The following LRRTM4 variants were observed in gnomAD, a reference collection of about 807,000 sequenced individuals.
LRRTM4 encodes leucine rich repeat transmembrane neuronal 4, also known as leucine-rich repeat transmembrane neuronal protein 4.
Under a neutral mutation model 47.6 loss-of-function variants are expected in LRRTM4, and 25 were observed. The ratio of observed to expected loss-of-function variants is 0.53; its 90% CI spans 0.38 to 0.73. LRRTM4 has a LOEUF of 0.73. Among genes scored for constraint, LRRTM4 ranks in the 30% least tolerant of loss-of-function variants. LRRTM4 has a pLI of 0.00. For missense variants in LRRTM4, 638 were observed against 713.4 expected (o/e 0.89, Z 1.20); for synonymous variants, 311 against 269.5 (o/e 1.15, Z -1.51).
At chr2:77,333,343 A>C (rs1671040114) in intron 3 of LRRTM4, among the ~76,000 whole-genome samples, 1 of 152,172 alleles carries the variant, frequency 6.6e-6, no homozygotes, top group African/African-American at 2.4e-5. Flanking sequence ...AGTCAGAAAA[A>C]TGTGTGAAAG....
At chr2:77,137,004 T>C (rs1048511466) in intron 3 of LRRTM4, among the ~76,000 whole-genome samples, 6 of 151,908 alleles carry the variant, frequency 3.9e-5, no homozygotes, top group African/African-American at 9.7e-5. Flanking sequence ...GTCTGATTGG[T>C]GTACCTGAAA....
chr2:77,178,759 C>A (rs1259504479), intron 3 of LRRTM4, among the ~76,000 whole-genome samples: 1 of 151,986 alleles, frequency 6.6e-6, no homozygotes, highest in Non-Finnish European at 1.5e-5. Context: ...TTGGCATTGA[C>A]TTTTTTTACC....
intron 3 of LRRTM4, among the ~76,000 whole-genome samples, chr2:77,047,876 T>C (rs969933803): frequency 2.2e-4 from 33 of 152,238 alleles, no homozygotes; most frequent in African/African-American, 7.7e-4. Context: ...ATTTTGGGCA[T>C]ACTTATTCTT....
intron 3 of LRRTM4, among the ~76,000 whole-genome samples, chr2:77,097,789 ATG>A (rs937645923): frequency 6.6e-6 from 1 of 151,950 alleles, no homozygotes; most frequent in Admixed American, 6.6e-5. Context: ...AAAGAGAACA[ATG>A]TGACACAAAA....
chr2:76,969,843 G>A (rs1046991040), intron 3 of LRRTM4, among the ~76,000 whole-genome samples: 27 of 151,786 alleles, frequency 1.8e-4, no homozygotes, highest in African/African-American at 6.5e-4. Flanking sequence ...ATTTTCTTAG[G>A]GAGAAAATAA....
chr2:77,121,653 T>C (rs1671523327), intron 3 of LRRTM4, among the ~76,000 whole-genome samples: 1 of 151,844 alleles, frequency 6.6e-6, no homozygotes. Flanking sequence ...GCATAAATGT[T>C]ATTGTACAAC....
At chr2:76,851,476 A>T (rs529438962) in intron 3 of LRRTM4, among the ~76,000 whole-genome samples, 2 of 152,250 alleles carry the variant, frequency 1.3e-5, no homozygotes, top group South Asian at 2.1e-4. Flanking sequence ...TACCTAAAAG[A>T]TCTAAAGATA....
chr2:76,827,069 G>A (rs967270699), intron 3 of LRRTM4, among the ~76,000 whole-genome samples: 19 of 151,840 alleles, frequency 1.3e-4, no homozygotes, highest in Non-Finnish European at 2.7e-4. Flanking sequence ...TCCTGAGACC[G>A]TTAGTTCTCA....
chr2:77,179,566 T>A (rs1673294353), intron 3 of LRRTM4, among the ~76,000 whole-genome samples: 1 of 152,084 alleles, frequency 6.6e-6, no homozygotes, highest in South Asian at 2.1e-4. Context: ...TGGATGAGAG[T>A]AAGTCACTTA....
chr2:76,891,429 T>C (rs1201423013), intron 3 of LRRTM4, among the ~76,000 whole-genome samples: 2 of 151,710 alleles, frequency 1.3e-5, no homozygotes, highest in Admixed American at 6.6e-5. Context: ...CAATCGGATG[T>C]TGGAATTGAG....
chr2:77,056,047 G>A (rs983572943), intron 3 of LRRTM4, among the ~76,000 whole-genome samples: 1 of 117,342 alleles, frequency 8.5e-6, no homozygotes, highest in African/African-American at 3.2e-5. Context: ...TTGTGGGGTG[G>A]GGGGAGGGGG....
intron 3 of LRRTM4, among the ~76,000 whole-genome samples, chr2:76,930,440 T>C (rs1212337898): frequency 6.6e-6 from 1 of 152,198 alleles, no homozygotes; most frequent in East Asian, 1.9e-4. Flanking sequence ...TTTTCTTCCT[T>C]TTTGCACATA....
At chr2:76,833,957 A>G (rs985289399) in intron 3 of LRRTM4, among the ~76,000 whole-genome samples, 2 of 151,540 alleles carry the variant, frequency 1.3e-5, no homozygotes, top group East Asian at 3.9e-4. Context: ...AAAAGGATGT[A>G]TATTGTCCTA....
chr2:76,806,148 T>A (rs1664061589), intron 3 of LRRTM4, among the ~76,000 whole-genome samples: 1 of 152,282 alleles, frequency 6.6e-6, no homozygotes, highest in South Asian at 2.1e-4. Context: ...CAGTTTTCAA[T>A]GAGGTTGATA....
intron 3 of LRRTM4, among the ~76,000 whole-genome samples, chr2:76,924,281 C>A (rs751013380): frequency 1.3e-5 from 2 of 151,946 alleles, no homozygotes; most frequent in Non-Finnish European, 2.9e-5. Context: ...GAAATTGCAC[C>A]AACCTGTCTT....
chr2:76,910,598 T>C (rs960263774), intron 3 of LRRTM4, among the ~76,000 whole-genome samples: 4 of 152,348 alleles, frequency 2.6e-5, no homozygotes, highest in African/African-American at 9.6e-5. Flanking sequence ...CCATAAAGAA[T>C]GTATGTATCC....
intron 3 of LRRTM4, among the ~76,000 whole-genome samples, chr2:76,808,823 C>CTT (rs71797198): frequency 0.035 from 5,370 of 151,470 alleles, 286 homozygotes; most frequent in African/African-American, 0.12. Flanking sequence ...TTCTGCTGAA[C>CTT]TTTTTTTTTC....
chr2:77,054,679 A>G (rs538635815), intron 3 of LRRTM4, among the ~76,000 whole-genome samples: 2 of 152,200 alleles, frequency 1.3e-5, no homozygotes, highest in Non-Finnish European at 2.9e-5. Context: ...CCCATTTATA[A>G]TTAGTAAGAG....
intron 3 of LRRTM4, among the ~76,000 whole-genome samples, chr2:76,880,703 A>G (rs1434983403): frequency 6.6e-6 from 1 of 152,154 alleles, no homozygotes; most frequent in Non-Finnish European, 1.5e-5. Context: ...TTCGATCCCT[A>G]GGCCCTGGAT....
Sources: gnomAD v4.1 joint callset for allele counts (sites outside exome capture counted in the v4.1 genomes callset) on GRCh38, gnomAD v4.1.1 for gene constraint, MANE v1.5 for transcripts, NCBI Gene and HGNC (gene_info 2026-07-23, HGNC 2026-07-21) for gene names.